Variants in NKAIN2 observed in about 807,000 individuals in gnomAD.
NKAIN2 encodes the protein sodium/potassium-transporting ATPase subunit beta-1-interacting protein 2.
NKAIN2 carries 14 observed loss-of-function variants against 32.6 expected under a neutral mutation model. The observed-to-expected ratio is 0.43, with a 90% CI of 0.28 to 0.67. NKAIN2 has a LOEUF of 0.67. Among genes scored for constraint, NKAIN2 ranks in the 30% least tolerant of loss-of-function variants. NKAIN2 has a pLI of 0.17. For missense variants in NKAIN2, 198 were observed against 258.3 expected, an observed-to-expected ratio of 0.77 and a Z score of 1.60; for synonymous variants, 80 against 87.2, an observed-to-expected ratio of 0.92 and a Z score of 0.46.
intron 1 of NKAIN2, among the ~76,000 whole-genome samples, chr6:123,976,265 G>A (rs370564148): frequency 0.039 from 2,916 of 74,498 alleles, 303 homozygotes; most frequent in East Asian, 0.17. Flanking sequence ...ATATATATAT[G>A]TTTCCATATA....
intron 1 of NKAIN2, among the ~76,000 whole-genome samples, chr6:124,250,906 C>A (rs935342943): frequency 3.9e-4 from 60 of 151,974 alleles, no homozygotes; most frequent in African/African-American, 1.4e-3. Context: ...GTGTTGATAT[C>A]TAAGGACTTG....
At chr6:124,681,980 A>G (rs1418829888) in intron 4 of NKAIN2, among the ~76,000 whole-genome samples, 1 of 152,058 alleles carries the variant, frequency 6.6e-6, no homozygotes, top group Non-Finnish European at 1.5e-5. Context: ...AGGAAAGGCA[A>G]GAGAAGGGTG....
intron 1 of NKAIN2, among the ~76,000 whole-genome samples, chr6:123,952,855 A>T (rs1394453691): frequency 1.3e-5 from 2 of 151,380 alleles, no homozygotes; most frequent in Non-Finnish European, 2.9e-5. Flanking sequence ...TCTATTTGAA[A>T]TTTTTTCCAG....
At chr6:123,924,962 A>G (rs755137513) in intron 1 of NKAIN2, among the ~76,000 whole-genome samples, 2 of 152,098 alleles carry the variant, frequency 1.3e-5, no homozygotes, top group Non-Finnish European at 2.9e-5. Context: ...ATAAAATATC[A>G]TGATTATATT....
chr6:124,342,814 TTTA>T (rs56290836), intron 2 of NKAIN2, among the ~76,000 whole-genome samples: 41,919 of 145,250 alleles, frequency 0.29, 6,474 homozygotes, highest in East Asian at 0.41. Flanking sequence ...CAGAAGATGT[TTTA>T]TTATTATTAT....
At chr6:123,935,391 C>A (rs1006788876) in intron 1 of NKAIN2, among the ~76,000 whole-genome samples, 1 of 151,368 alleles carries the variant, frequency 6.6e-6, no homozygotes, top group African/African-American at 2.4e-5. Flanking sequence ...GTGTTTCTCC[C>A]AAACACACCA....
At chr6:123,986,423 GC>G (rs2114677250) in intron 1 of NKAIN2, among the ~76,000 whole-genome samples, 1 of 152,196 alleles carries the variant, frequency 6.6e-6, no homozygotes, top group South Asian at 2.1e-4. Flanking sequence ...TGCCTCAGTT[GC>G]CCAGGTATAT....
chr6:124,370,221 TA>T (rs1799695864), intron 3 of NKAIN2, among the ~76,000 whole-genome samples: 2 of 151,664 alleles, frequency 1.3e-5, no homozygotes, highest in Admixed American at 6.6e-5. Flanking sequence ...AAAATGAGGC[TA>T]TTTAGCTCTC....
At chr6:124,600,913 C>T (rs1028883057) in intron 3 of NKAIN2, among the ~76,000 whole-genome samples, 1 of 152,034 alleles carries the variant, frequency 6.6e-6, no homozygotes, top group African/African-American at 2.4e-5. Flanking sequence ...GAAGACTTAT[C>T]AGACAAAATG....
At chr6:123,812,792 T>C (rs754622968) in intron 1 of NKAIN2, among the ~76,000 whole-genome samples, 17 of 152,198 alleles carry the variant, frequency 1.1e-4, no homozygotes, top group Non-Finnish European at 2.4e-4. Context: ...TGCATTACAC[T>C]CTAAAACAGT....
At chr6:124,166,566 G>A (rs892054807) in intron 1 of NKAIN2, among the ~76,000 whole-genome samples, 1 of 150,978 alleles carries the variant, frequency 6.6e-6, no homozygotes, top group African/African-American at 2.4e-5. Context: ...CATTGCTTTT[G>A]GTGTTTTAGA....
intron 1 of NKAIN2, among the ~76,000 whole-genome samples, chr6:124,184,930 T>G (rs1226662384): frequency 1.3e-5 from 2 of 152,166 alleles, no homozygotes; most frequent in Non-Finnish European, 2.9e-5. Flanking sequence ...GAATTAATTA[T>G]TACATAATAT....
chr6:124,676,717 G>T (rs1483030973), intron 4 of NKAIN2, among the ~76,000 whole-genome samples: 5 of 152,010 alleles, frequency 3.3e-5, no homozygotes, highest in Non-Finnish European at 7.4e-5. Flanking sequence ...TCCCACCTTA[G>T]TCTCCCAAAG....
intron 3 of NKAIN2, among the ~76,000 whole-genome samples, chr6:124,517,177 T>C (rs1778945913): frequency 6.6e-6 from 1 of 152,168 alleles, no homozygotes; most frequent in Admixed American, 6.5e-5. Context: ...TCACAGGTGA[T>C]GCAACTAAAT....
intron 1 of NKAIN2, among the ~76,000 whole-genome samples, chr6:123,862,054 A>G (rs1289659550): frequency 1.3e-5 from 2 of 152,212 alleles, no homozygotes; most frequent in Non-Finnish European, 2.9e-5. Flanking sequence ...TCTAAAGGCT[A>G]TAATATAATC....
chr6:123,942,128 C>T (rs915721509), intron 1 of NKAIN2, among the ~76,000 whole-genome samples: 1 of 151,802 alleles, frequency 6.6e-6, no homozygotes, highest in Non-Finnish European at 1.5e-5. Context: ...GAACAGTTGT[C>T]CCAATGGTTT....
chr6:124,445,781 A>G (rs1775865234), intron 3 of NKAIN2, among the ~76,000 whole-genome samples: 1 of 74,360 alleles, frequency 1.3e-5, no homozygotes, highest in East Asian at 3.6e-4. Flanking sequence ...AACGAAACAA[A>G]ACAAAAAAAA....
At chr6:124,315,713 C>G (rs1387958574) in intron 2 of NKAIN2, among the ~76,000 whole-genome samples, 1 of 152,110 alleles carries the variant, frequency 6.6e-6, no homozygotes. Flanking sequence ...TATTATCCTG[C>G]TAGGTGTCCT....
At chr6:124,589,771 A>G (rs1182833608) in intron 3 of NKAIN2, among the ~76,000 whole-genome samples, 1 of 152,006 alleles carries the variant, frequency 6.6e-6, no homozygotes, top group Non-Finnish European at 1.5e-5. Flanking sequence ...TCAACTCGTC[A>G]TCTAGGTTTT....
Sources: gnomAD v4.1 joint callset for allele counts (sites outside exome capture counted in the v4.1 genomes callset) on GRCh38, gnomAD v4.1.1 for gene constraint, MANE v1.5 for transcripts, NCBI Gene and HGNC (gene_info 2026-07-23, HGNC 2026-07-21) for gene names.